The following LNX1 variants were observed in gnomAD, a reference collection of about 807,000 sequenced individuals.
LNX1 encodes ligand of numb-protein X 1.
In LNX1, 54 loss-of-function variants were observed where a neutral mutation model predicts 68.4. The ratio of observed to expected loss-of-function variants is 0.79; its 90% CI spans 0.63 to 0.99. LNX1 has a LOEUF of 0.99. Ranked by LOEUF, LNX1 falls within the 50% of genes least tolerant of loss-of-function variation. LNX1 has a pLI of 0.00. For synonymous variants in LNX1, 336 were observed against 350.0 expected (o/e 0.96, Z 0.45); for missense variants, 906 against 926.4 (o/e 0.98, Z 0.29).
At chr4:53,527,462 C>T (rs1324825938) in intron 2 of LNX1, among the ~76,000 whole-genome samples, 1 of 152,170 alleles carries the variant, frequency 6.6e-6, no homozygotes, top group African/African-American at 2.4e-5. Flanking sequence ...TCTCTACGAG[C>T]CTGGTGCTGA....
intron 2 of LNX1, among the ~76,000 whole-genome samples, chr4:53,535,779 C>A (rs1221542093): frequency 6.6e-6 from 1 of 152,198 alleles, no homozygotes; most frequent in African/African-American, 2.4e-5. Flanking sequence ...CTTCCTCATT[C>A]ATAGTAATTC....
chr4:53,494,675 T>C (rs545058453), intron 6 of LNX1, among the ~76,000 whole-genome samples: 2 of 152,378 alleles, frequency 1.3e-5, no homozygotes, highest in Admixed American at 1.3e-4. Flanking sequence ...TGGAGGATCC[T>C]TTGGAAGAAT....
intron 1 of LNX1, among the ~76,000 whole-genome samples, chr4:53,588,003 G>A (rs776810937): frequency 8.5e-5 from 13 of 152,116 alleles, no homozygotes; most frequent in Non-Finnish European, 1.5e-4. Context: ...ACGTACTACC[G>A]TTTCCATCAT....
At chr4:53,603,250 T>C (rs1485066348) in intron 2 of LNX1, among the ~76,000 whole-genome samples, 8 of 152,194 alleles carry the variant, frequency 5.3e-5, no homozygotes, top group African/African-American at 1.7e-4. Context: ...CCTCACTGCA[T>C]GTGAGGACCT....
At chr4:53,645,644 C>A (rs1734855490) in intron 1 of LNX1, among the ~76,000 whole-genome samples, 1 of 152,198 alleles carries the variant, frequency 6.6e-6, no homozygotes, top group Non-Finnish European at 1.5e-5. Flanking sequence ...GCATTCTGTT[C>A]ATTCTCCCAA....
intron 6 of LNX1, among the ~76,000 whole-genome samples, chr4:53,482,959 T>C (rs761056848): frequency 3.3e-5 from 5 of 152,224 alleles, no homozygotes; most frequent in Non-Finnish European, 5.9e-5. Flanking sequence ...TACATTGATA[T>C]TTGGACAGGC....
chr4:53,464,404 T>C (rs1369111359), intron 9 of LNX1, among the ~76,000 whole-genome samples: 1 of 144,306 alleles, frequency 6.9e-6, no homozygotes, highest in Non-Finnish European at 1.5e-5. Flanking sequence ...AAATAAAAAA[T>C]GAATTTCTAG....
At chr4:53,627,674 GAT>G (rs1289030112) in intron 1 of LNX1, among the ~76,000 whole-genome samples, 1 of 152,220 alleles carries the variant, frequency 6.6e-6, no homozygotes, top group Admixed American at 6.5e-5. Context: ...TGTGCTTAGA[GAT>G]AGGCCAGTCT....
chr4:53,576,443 G>A (rs1731493720), intron 1 of LNX1: 4 of 1,420,556 alleles, frequency 2.8e-6, no homozygotes, highest in Non-Finnish European at 1.8e-6. Flanking sequence ...CTCAGATGGT[G>A]CCAAAGTGCA....
At position 53,496,237 on chromosome 4, in the gene LNX1, C is replaced by G. The variant is rs1283284789; in HGVS notation, c.1136G>C (p.Ser379Thr). The change falls in exon 6 of 11, where the codon AGC becomes ACC. Residue 379 changes from serine (S) to threonine (T), a missense_variant. Coordinates refer to ENST00000263925, the MANE Select transcript of LNX1 (RefSeq NM_001126328.3). ...ACTTTTGTTGAGAATCACATGAAAG[C>G]TGTCATCTCGGGGTCTGTAGGCATC... ...APDAYRPRDDSFHVILNKSSP... is the reference protein window; with the variant it reads ...APDAYRPRDDTFHVILNKSSP... 2 of 1,614,072 alleles carry G rather than the reference C, an allele frequency of 1.2e-6. No homozygotes were observed. The highest frequency in any genetic ancestry group is 1.3e-5 in the African/African-American group (1 of 74,944).
intron 2 of LNX1, among the ~76,000 whole-genome samples, chr4:53,612,826 A>G (rs1181263054): frequency 6.6e-6 from 1 of 151,736 alleles, no homozygotes; most frequent in Non-Finnish European, 1.5e-5. Flanking sequence ...TTGAGGCTGC[A>G]GTGATCTGTG....
chr4:53,578,196 C>T (rs1460568440), intron 1 of LNX1, among the ~76,000 whole-genome samples: 1 of 152,092 alleles, frequency 6.6e-6, no homozygotes, highest in East Asian at 1.9e-4. Flanking sequence ...ATACAAGAGA[C>T]CCAGGAAATT....
intron 1 of LNX1, among the ~76,000 whole-genome samples, chr4:53,586,288 C>T (rs1732167347): frequency 6.6e-6 from 1 of 152,158 alleles, no homozygotes; most frequent in South Asian, 2.1e-4. Flanking sequence ...ACATGCTGCG[C>T]TCTATTCAGA....
chr4:53,495,846 G>A (rs1204204590), intron 6 of LNX1, among the ~76,000 whole-genome samples, 177 bp downstream of exon 6: 1 of 152,166 alleles, frequency 6.6e-6, no homozygotes, highest in South Asian at 2.1e-4. Flanking sequence ...GCCCAGCCGA[G>A]TAATGTTCTT....
At chr4:53,517,916 C>T (rs1038535773) in intron 2 of LNX1, among the ~76,000 whole-genome samples, 2 of 151,442 alleles carry the variant, frequency 1.3e-5, no homozygotes, top group African/African-American at 2.4e-5. Flanking sequence ...GCTGAATGGC[C>T]CTCGCCCCAG....
intron 1 of LNX1, among the ~76,000 whole-genome samples, chr4:53,640,184 A>G (rs145553772): frequency 2.0e-5 from 3 of 152,164 alleles, no homozygotes; most frequent in Non-Finnish European, 4.4e-5. Flanking sequence ...CCCATTTCCA[A>G]TTGTTGGCAT....
intron 4 of LNX1, 41 bp downstream of exon 4, chr4:53,507,276 C>T: frequency 6.3e-7 from 1 of 1,595,130 alleles, no homozygotes; most frequent in South Asian, 1.1e-5. Flanking sequence ...CCCCTGGAAG[C>T]CCAGCCCATG....
chr4:53,582,178 G>A (rs1240500498), intron 1 of LNX1, among the ~76,000 whole-genome samples: 3 of 152,092 alleles, frequency 2.0e-5, no homozygotes, highest in East Asian at 1.9e-4. Flanking sequence ...TACCTGACCT[G>A]GTGGCCAGCC....
intron 2 of LNX1, among the ~76,000 whole-genome samples, chr4:53,535,243 A>G (rs969660195): frequency 6.6e-6 from 1 of 152,244 alleles, no homozygotes; most frequent in African/African-American, 2.4e-5. Context: ...TGTAGACCCC[A>G]TAAACCATGG....
Sources: gnomAD v4.1 joint callset for allele counts (sites outside exome capture counted in the v4.1 genomes callset) on GRCh38, gnomAD v4.1.1 for gene constraint, MANE v1.5 for transcripts, NCBI Gene and HGNC (gene_info 2026-07-23, HGNC 2026-07-21) for gene names.